Variants in TAFA1 observed in about 807,000 individuals in gnomAD.
The protein encoded by TAFA1 is chemokine-like protein TAFA-1.
TAFA1 carries 4 observed loss-of-function variants against 18.5 expected under a neutral mutation model. The ratio of observed to expected loss-of-function variants is 0.22; its 90% CI spans 0.11 to 0.49. The LOEUF (loss-of-function observed/expected upper bound fraction) is 0.49, where lower values mean the gene tolerates loss of function less well. TAFA1 is among the 20% of genes least tolerant of loss of function. TAFA1 has a pLI of 0.98. For synonymous variants in TAFA1, 56 were observed against 55.2 expected (o/e 1.01, Z -0.06); for missense variants, 147 against 169.0 (o/e 0.87, Z 0.72).
chr3:68,220,244 A>G (rs1046252095), intron 2 of TAFA1, among the ~76,000 whole-genome samples: 1 of 152,176 alleles, frequency 6.6e-6, no homozygotes, highest in Non-Finnish European at 1.5e-5. Flanking sequence ...TTAATTTTGT[A>G]ACAAAGATAT....
At chr3:68,266,307 A>G (rs2067545770) in intron 2 of TAFA1, among the ~76,000 whole-genome samples, 1 of 152,162 alleles carries the variant, frequency 6.6e-6, no homozygotes, top group Non-Finnish European at 1.5e-5. Context: ...TGAGATTGAG[A>G]TATAAAATAC....
chr3:68,509,355 T>C (rs1037764689), intron 3 of TAFA1, among the ~76,000 whole-genome samples: 14 of 152,090 alleles, frequency 9.2e-5, no homozygotes, highest in African/African-American at 3.1e-4. Context: ...GTGGAGGTCA[T>C]TGAAGGACAC....
intron 2 of TAFA1, among the ~76,000 whole-genome samples, chr3:68,349,038 GTTTC>G (rs1303890951): frequency 6.6e-6 from 1 of 151,348 alleles, no homozygotes; most frequent in Non-Finnish European, 1.5e-5. Flanking sequence ...TCTCCTGCTT[GTTTC>G]TTTATAGGAG....
At chr3:68,098,722 C>A (rs2065115127) in intron 2 of TAFA1, among the ~76,000 whole-genome samples, 1 of 152,060 alleles carries the variant, frequency 6.6e-6, no homozygotes, top group African/African-American at 2.4e-5. Context: ...GCAAAAAGAA[C>A]AAGGAGGTAT....
chr3:68,101,336 T>C (rs2065145308), intron 2 of TAFA1, among the ~76,000 whole-genome samples: 1 of 151,980 alleles, frequency 6.6e-6, no homozygotes, highest in South Asian at 2.1e-4. Context: ...AGTTTTAGGG[T>C]ACATGTGCAC....
intron 2 of TAFA1, among the ~76,000 whole-genome samples, chr3:68,399,883 G>A (rs2070455623): frequency 6.6e-6 from 1 of 152,102 alleles, no homozygotes; most frequent in Non-Finnish European, 1.5e-5. Flanking sequence ...GTGCTCAAAG[G>A]TGTCACAAGG....
chr3:68,208,070 T>C (rs1466125089), intron 2 of TAFA1, among the ~76,000 whole-genome samples: 2 of 151,910 alleles, frequency 1.3e-5, no homozygotes, highest in Admixed American at 1.3e-4. Flanking sequence ...ATATTTTTCA[T>C]TGTATGAAAA....
intron 3 of TAFA1, among the ~76,000 whole-genome samples, chr3:68,444,543 C>T (rs2071440788): frequency 3.9e-5 from 6 of 151,958 alleles, no homozygotes. Context: ...AATAGTTAAC[C>T]ATTGTACTAT....
intron 2 of TAFA1, among the ~76,000 whole-genome samples, chr3:68,231,311 A>G (rs895379505): frequency 7.2e-6 from 1 of 138,128 alleles, no homozygotes; most frequent in African/African-American, 2.7e-5. Context: ...TTTAACACAT[A>G]TCTGTCAATC....
intron 2 of TAFA1, among the ~76,000 whole-genome samples, chr3:68,350,433 A>G (rs2069245537): frequency 6.6e-6 from 1 of 152,154 alleles, no homozygotes; most frequent in African/African-American, 2.4e-5. Flanking sequence ...GACTTTTTGC[A>G]GTAGAATCAT....
At chr3:68,452,868 C>T (rs2071589679) in intron 3 of TAFA1, among the ~76,000 whole-genome samples, 1 of 152,112 alleles carries the variant, frequency 6.6e-6, no homozygotes, top group South Asian at 2.1e-4. Flanking sequence ...CTGAAAGTAC[C>T]CCTGAGTAGT....
chr3:68,072,618 G>A (rs1464998655), intron 2 of TAFA1, among the ~76,000 whole-genome samples: 1 of 152,158 alleles, frequency 6.6e-6, no homozygotes, highest in Non-Finnish European at 1.5e-5. Flanking sequence ...TAAAGGGAGA[G>A]GTTAGGAAGA....
At chr3:68,515,747 G>A (rs2072911174) in intron 3 of TAFA1, among the ~76,000 whole-genome samples, 1 of 152,164 alleles carries the variant, frequency 6.6e-6, no homozygotes, top group African/African-American at 2.4e-5. Flanking sequence ...CCTTCCTTAT[G>A]TGTAAAATGT....
Position 68,041,513 on chromosome 3 carries a change from C to CA in TAFA1, c.118+34772dup, listed in dbSNP as rs76786594. The stretch of plus-strand genomic sequence containing the variant: ...TCCCATTTTCCTGATAGGGATAACT[C>CA]AAAGTGGAGAAGTTTAGAAACTGAA... On this transcript the variant is annotated intron_variant, in intron 2 of 4. Transcript: ENST00000478136. Among the ~76,000 whole-genome samples the CA allele has an allele frequency of 3.7e-3, 561 of 152,248 alleles. 29 individuals carry two copies. The East Asian group carries it at 0.097, about 26-fold the overall frequency.
At chr3:68,417,159 T>C (rs2106796534) in intron 2 of TAFA1, 121 bp from the exon 3 acceptor site, 1 of 734,616 alleles carries the variant, frequency 1.4e-6, no homozygotes, top group East Asian at 2.7e-5. Context: ...TAATTGTATT[T>C]CATGGAAACT....
intron 2 of TAFA1, among the ~76,000 whole-genome samples, chr3:68,392,713 C>T (rs1406255132): frequency 6.6e-6 from 1 of 152,188 alleles, no homozygotes; most frequent in Non-Finnish European, 1.5e-5. Flanking sequence ...TCACTCACAA[C>T]CACTCAACTA....
intron 2 of TAFA1, among the ~76,000 whole-genome samples, chr3:68,013,096 T>C (rs1704504245): frequency 6.6e-6 from 1 of 152,206 alleles, no homozygotes; most frequent in Admixed American, 6.5e-5. Context: ...AAGATAATTC[T>C]GGAATCCTCT....
At chr3:68,390,632 G>C (rs997240970) in intron 2 of TAFA1, among the ~76,000 whole-genome samples, 1 of 152,236 alleles carries the variant, frequency 6.6e-6, no homozygotes, top group Non-Finnish European at 1.5e-5. Flanking sequence ...AGGTGGCCCT[G>C]TGGGACAAAG....
intron 2 of TAFA1, among the ~76,000 whole-genome samples, chr3:68,011,167 A>G (rs1001973823): frequency 2.0e-5 from 3 of 152,036 alleles, no homozygotes; most frequent in Non-Finnish European, 4.4e-5. Flanking sequence ...GAAACTTAGT[A>G]AAATATAAAT....
Sources: gnomAD v4.1 joint callset for allele counts (sites outside exome capture counted in the v4.1 genomes callset) on GRCh38, gnomAD v4.1.1 for gene constraint, MANE v1.5 for transcripts, NCBI Gene and HGNC (gene_info 2026-07-23, HGNC 2026-07-21) for gene names.